Variants in NCALD observed in about 807,000 individuals in gnomAD.
The protein encoded by NCALD is neurocalcin delta, also known as neurocalcin-delta.
NCALD carries 10 observed loss-of-function variants against 18.6 expected under a neutral mutation model. The observed-to-expected ratio is 0.54, with a 90% CI of 0.33 to 0.91. The LOEUF is 0.91. Among genes scored for constraint, NCALD ranks in the 40% least tolerant of loss-of-function variants. The pLI is 0.03. For synonymous variants in NCALD, 88 were observed against 87.4 expected, an observed-to-expected ratio of 1.01 and a Z score of -0.04; for missense variants, 184 against 247.6, an observed-to-expected ratio of 0.74 and a Z score of 1.72.
intron 1 of NCALD, among the ~76,000 whole-genome samples, chr8:102,067,764 G>T (rs1587009838): frequency 6.6e-6 from 1 of 152,120 alleles, no homozygotes; most frequent in East Asian, 1.9e-4. Context: ...CAGGAAGCAG[G>T]CACCCCACAA....
chr8:101,805,278 G>A (rs1179085658), intron 4 of NCALD, among the ~76,000 whole-genome samples: 3 of 152,108 alleles, frequency 2.0e-5, no homozygotes, highest in Non-Finnish European at 4.4e-5. Context: ...GAGAAGATGT[G>A]GCCAATAAGT....
chr8:101,893,286 T>A (rs1163975910), intron 3 of NCALD, among the ~76,000 whole-genome samples: 2 of 150,948 alleles, frequency 1.3e-5, no homozygotes, highest in East Asian at 1.9e-4. Flanking sequence ...GAAGGAGAAA[T>A]AAAATACTTT....
rs562230464 is a variant in NCALD, at chr8:102,093,064, G to A, written c.-210+31173C>T. Among the ~76,000 whole-genome samples, 15 of 152,146 alleles carry A rather than the reference G, an allele frequency of 9.9e-5. No homozygotes were observed. In the East Asian group the frequency reaches 2.7e-3, roughly 27 times the overall value. On this transcript the variant is annotated intron_variant, in intron 1 of 6. Transcript: ENST00000311028. ...ATCCAGCTTCTCAGGAGGCTGAGGA[G>A]GGAGTATCACCTGAGCCCAGTGAGG...
chr8:101,935,197 A>G (rs1818717213), intron 2 of NCALD, among the ~76,000 whole-genome samples: 1 of 152,146 alleles, frequency 6.6e-6, no homozygotes, highest in South Asian at 2.1e-4. Flanking sequence ...AATATAGGTG[A>G]GAAATTTCAG....
chr8:101,815,348 A>G (rs1813453832), intron 4 of NCALD, among the ~76,000 whole-genome samples: 1 of 152,130 alleles, frequency 6.6e-6, no homozygotes, highest in African/African-American at 2.4e-5. Flanking sequence ...AAAGGAGAAA[A>G]GGCAATACAA....
chr8:101,897,718 GTTTAGTT>G (rs958683025), intron 3 of NCALD, among the ~76,000 whole-genome samples: 4 of 152,146 alleles, frequency 2.6e-5, no homozygotes, highest in African/African-American at 9.7e-5. Context: ...GTAAATGTAT[GTTTAGTT>G]TTAAAGAAAC....
Position 101,985,234 on chromosome 8 carries a change from C to T in NCALD, c.-157+35003G>A, listed in dbSNP as rs144936672. ...GGGTCTTCTGATGACCCACCCCCAGCCCAAGCTCCCAGCTGCCAGTCATGT... is the reference window on the plus strand; with the variant it reads ...GGGTCTTCTGATGACCCACCCCCAGTCCAAGCTCCCAGCTGCCAGTCATGT... On this transcript the variant is annotated intron_variant, in intron 2 of 6. Transcript: ENST00000311028. Among the ~76,000 whole-genome samples the T allele has an allele frequency of 7.9e-3, 1,208 of 152,258 alleles. 12 individuals carry two copies. The highest frequency in any genetic ancestry group is 0.024 in the Middle Eastern group (7 of 294).
intron 4 of NCALD, among the ~76,000 whole-genome samples, chr8:101,838,852 C>A (rs1814523314): frequency 6.6e-6 from 1 of 152,168 alleles, no homozygotes; most frequent in Non-Finnish European, 1.5e-5. Context: ...AACCAATGTT[C>A]ACAATGATAT....
chr8:101,711,605 C>G (rs986768401), intron 2 of NCALD, among the ~76,000 whole-genome samples: 1 of 151,604 alleles, frequency 6.6e-6, no homozygotes, highest in Non-Finnish European at 1.5e-5. Flanking sequence ...AAAGACAGCA[C>G]GAGAACTTTG....
At chr8:101,940,513 T>G (rs535232038) in intron 2 of NCALD, among the ~76,000 whole-genome samples, 49 of 152,312 alleles carry the variant, frequency 3.2e-4, no homozygotes, top group African/African-American at 1.1e-3. Context: ...GCACTAGATA[T>G]TTGAATCTGG....
At chr8:102,005,256 G>A (rs1156374753) in intron 2 of NCALD, among the ~76,000 whole-genome samples, 2 of 152,206 alleles carry the variant, frequency 1.3e-5, no homozygotes, top group African/African-American at 2.4e-5. Context: ...CATTTATGCA[G>A]CCAAAAGACA....
intron 1 of NCALD, among the ~76,000 whole-genome samples, chr8:101,722,000 C>T (rs968208146): frequency 2.6e-5 from 4 of 152,068 alleles, no homozygotes; most frequent in Non-Finnish European, 5.9e-5. Context: ...TACCACCATG[C>T]CTGGCTAAAT....
chr8:102,001,348 C>A (rs1004272628), intron 2 of NCALD, among the ~76,000 whole-genome samples: 2 of 152,204 alleles, frequency 1.3e-5, no homozygotes, highest in African/African-American at 4.8e-5. Context: ...AAGAAATGAA[C>A]AAAGTCTCCA....
intron 2 of NCALD, among the ~76,000 whole-genome samples, chr8:102,012,564 C>T (rs1009688882): frequency 1.3e-5 from 2 of 152,208 alleles, no homozygotes; most frequent in African/African-American, 2.4e-5. Flanking sequence ...CGGGGAGTAG[C>T]GGGATGTGTA....
intron 1 of NCALD, among the ~76,000 whole-genome samples, chr8:102,095,091 T>A (rs757168067): frequency 6.6e-6 from 1 of 152,236 alleles, no homozygotes; most frequent in Non-Finnish European, 1.5e-5. Context: ...GACTTCAGCC[T>A]GCCTTGGCTT....
intron 1 of NCALD, among the ~76,000 whole-genome samples, chr8:102,098,222 G>A (rs1460725056): frequency 8.2e-3 from 1 of 122 alleles, no homozygotes; most frequent in Non-Finnish European, 0.016. Context: ...AATTAACTAT[G>A]TCCCCTTACC....
At chr8:101,849,343 A>G (rs1387252846) in intron 4 of NCALD, among the ~76,000 whole-genome samples, 1 of 152,156 alleles carries the variant, frequency 6.6e-6, no homozygotes, top group Admixed American at 6.6e-5. Flanking sequence ...CTGCACATGT[A>G]CCCCTGAACT....
At position 102,045,465 on chromosome 8, in the gene NCALD, T is replaced by C. The variant is rs919429210; in HGVS notation, c.-209-25176A>G. Among the ~76,000 whole-genome samples the C allele has an allele frequency of 3.3e-5, 5 of 152,344 alleles. No individual in the cohort carries two copies. In the East Asian group the frequency reaches 9.6e-4, roughly 29 times the overall value. On this transcript the variant is annotated intron_variant, in intron 1 of 6. Transcript: ENST00000311028. ...TTCTTTATTACATAACTGAATTATA[T>C]AAAGCATTTTCCAAATAAAAAATAA...
chr8:101,687,758 T>C lies in NCALD; in HGVS notation c.*1551A>G, dbSNP rs1814531266. On this transcript the variant is annotated 3_prime_UTR_variant, in exon 4 of 4. Coordinates refer to ENST00000220931, the MANE Select transcript of NCALD (RefSeq NM_032041.3). ...AGAATTTGGGCCTCCCTTTGCTAAC[T>C]ACTTGCAAGAGTATGACTCGCCTGT... 6.6e-6 allele frequency: 1 copy of C among 152,242 alleles called. No homozygotes were observed. The highest frequency in any genetic ancestry group is 6.5e-5 in the Admixed American group (1 of 15,280). The allele number at this position is 152,242 out of a possible 1,614,324, so 9.4% of individuals were successfully genotyped here.
Sources: gnomAD v4.1 joint callset for allele counts (sites outside exome capture counted in the v4.1 genomes callset) on GRCh38, gnomAD v4.1.1 for gene constraint, MANE v1.5 for transcripts, NCBI Gene and HGNC (gene_info 2026-07-23, HGNC 2026-07-21) for gene names.